The following RALYL variants were observed in gnomAD, a reference collection of about 807,000 sequenced individuals.
The protein encoded by RALYL is RALY RNA binding protein like.
RALYL carries 29 observed loss-of-function variants against 35.1 expected under a neutral mutation model. The observed-to-expected ratio is 0.83, with a 90% CI of 0.61 to 1.13. RALYL has a LOEUF of 1.13. Ranked by LOEUF, RALYL falls within the 50% of genes most tolerant of loss-of-function variation. The pLI, the probability that RALYL is intolerant of heterozygous loss-of-function variation, is 0.00. For missense variants in RALYL, 359 were observed against 360.4 expected (o/e 1.00, Z 0.03); for synonymous variants, 120 against 127.6 (o/e 0.94, Z 0.40).
intron 3 of RALYL, among the ~76,000 whole-genome samples, chr8:84,791,890 C>T (rs1290897183): frequency 1.3e-5 from 2 of 152,310 alleles, no homozygotes; most frequent in East Asian, 1.9e-4. Context: ...CAGAGTGAAA[C>T]AGGAGAGTTC....
intron 1 of RALYL, among the ~76,000 whole-genome samples, chr8:84,311,093 G>GAAAAAAAAAAA (rs1354856646): frequency 2.6e-5 from 2 of 77,218 alleles, no homozygotes; most frequent in Non-Finnish European, 4.9e-5. Flanking sequence ...AAAAAAAAAT[G>GAAAAAAAAAAA]TATATTAATG....
intron 4 of RALYL, among the ~76,000 whole-genome samples, chr8:84,835,465 C>T (rs888191394): frequency 5.1e-5 from 7 of 136,296 alleles, no homozygotes; most frequent in Admixed American, 3.2e-4. Flanking sequence ...TTCAGCAGTT[C>T]GAGACCAGCC....
chr8:84,568,069 T>C (rs2061912411), intron 2 of RALYL, among the ~76,000 whole-genome samples: 1 of 151,782 alleles, frequency 6.6e-6, no homozygotes, highest in South Asian at 2.1e-4. Context: ...ATTATTATAC[T>C]TTAGGTTATA....
chr8:84,368,043 C>T (rs1854856102), intron 1 of RALYL, among the ~76,000 whole-genome samples: 1 of 152,150 alleles, frequency 6.6e-6, no homozygotes, highest in Admixed American at 6.5e-5. Flanking sequence ...GTGATTCTAT[C>T]ATACCACTGT....
intron 2 of RALYL, among the ~76,000 whole-genome samples, chr8:84,598,918 C>G (rs140775785): frequency 6.6e-6 from 1 of 152,084 alleles, no homozygotes; most frequent in East Asian, 1.9e-4. Flanking sequence ...TCTCTCTCCA[C>G]GTTCTAGCTA....
chr8:84,269,734 T>C (rs1234689467), intron 1 of RALYL, among the ~76,000 whole-genome samples: 1 of 152,112 alleles, frequency 6.6e-6, no homozygotes, highest in East Asian at 1.9e-4. Flanking sequence ...ACTGTATGTA[T>C]GGTTAATATT....
At chr8:84,836,475 C>A (rs1832049480) in intron 4 of RALYL, among the ~76,000 whole-genome samples, 1 of 152,142 alleles carries the variant, frequency 6.6e-6, no homozygotes, top group Admixed American at 6.5e-5. Context: ...TACAAAGGTC[C>A]TTGAAAATAA....
chr8:84,716,484 A>G (rs560689588), intron 2 of RALYL, among the ~76,000 whole-genome samples: 3 of 152,320 alleles, frequency 2.0e-5, no homozygotes, highest in African/African-American at 4.8e-5. Flanking sequence ...TTCATAAGGT[A>G]GCAAAAGATA....
chr8:84,202,795 T>C (rs1326760723), intron 1 of RALYL, among the ~76,000 whole-genome samples: 1 of 152,192 alleles, frequency 6.6e-6, no homozygotes, highest in Non-Finnish European at 1.5e-5. Context: ...CATGACATTT[T>C]GAACATTTAC....
At chr8:84,547,746 T>A (rs2060460359) in intron 2 of RALYL, among the ~76,000 whole-genome samples, 1 of 152,200 alleles carries the variant, frequency 6.6e-6, no homozygotes, top group Admixed American at 6.5e-5. Flanking sequence ...ATTGAAGTTT[T>A]CTTTGTGGGA....
intron 1 of RALYL, among the ~76,000 whole-genome samples, chr8:84,381,867 G>A (rs952648191): frequency 6.6e-6 from 1 of 151,514 alleles, no homozygotes; most frequent in Admixed American, 6.6e-5. Flanking sequence ...TGTTTCTGTG[G>A]CATTTTTCCT....
Position 84,921,130 on chromosome 8 carries a change from G to T in RALYL, c.*219G>T. ...GGTTTTTATGGTTTAAATTGTAAAT[G>T]TGTTTTCCCCTTTGCTAATTATGTT... On this transcript the variant is annotated 3_prime_UTR_variant, in exon 9 of 9. Transcript: ENST00000521268. 1 of 368,800 alleles carries T rather than the reference G, an allele frequency of 2.7e-6. No individual in the cohort carries two copies. The highest frequency in any genetic ancestry group is 4.9e-6 in the Non-Finnish European group (1 of 202,262). The allele number at this position is 368,800 out of a possible 1,614,324, so 22.8% of individuals were successfully genotyped here. A position where few individuals can be genotyped will look rare whatever the true frequency, so the allele number is the denominator to read the frequency against.
At chr8:84,495,727 G>A (rs569252641) in intron 1 of RALYL, among the ~76,000 whole-genome samples, 1 of 151,914 alleles carries the variant, frequency 6.6e-6, no homozygotes, top group African/African-American at 2.4e-5. Flanking sequence ...CATTTTTACA[G>A]TCTTAAGCAG....
Position 84,811,391 on chromosome 8 carries a change from T to G in RALYL, c.365+6589T>G, listed in dbSNP as rs796399071. ...TTTCTGCTGAGAAATCTGCTGTTAA[T>G]CTGATAGGTTTTCCTTTGTAGGTTA... is the stretch of plus-strand genomic sequence containing the variant. On this transcript the variant is annotated intron_variant, in intron 4 of 8. Transcript: ENST00000521268. Among the ~76,000 whole-genome samples, 3 of 152,190 alleles carry G rather than the reference T, an allele frequency of 2.0e-5. No individual in the cohort carries two copies. In the South Asian group the frequency reaches 6.2e-4, roughly 32 times the overall value.
intron 1 of RALYL, among the ~76,000 whole-genome samples, chr8:84,270,682 T>C (rs1834142167): frequency 6.6e-6 from 1 of 152,174 alleles, no homozygotes; most frequent in Non-Finnish European, 1.5e-5. Context: ...ATACTGCATG[T>C]TTTATTCCAC....
At chr8:84,540,756 T>C (rs923073065) in intron 2 of RALYL, among the ~76,000 whole-genome samples, 5 of 152,062 alleles carry the variant, frequency 3.3e-5, no homozygotes, top group Admixed American at 6.6e-5. Context: ...TTTCATAACA[T>C]TTGGATAATC....
At chr8:84,564,334 C>T (rs1252920019) in intron 2 of RALYL, among the ~76,000 whole-genome samples, 1 of 151,658 alleles carries the variant, frequency 6.6e-6, no homozygotes, top group Middle Eastern at 3.2e-3. Context: ...ATATGTCACA[C>T]ATAATAATCT....
intron 1 of RALYL, among the ~76,000 whole-genome samples, chr8:84,244,176 C>T (rs1828596152): frequency 6.6e-6 from 1 of 152,012 alleles, no homozygotes; most frequent in South Asian, 2.1e-4. Context: ...TTCCAGTAAT[C>T]CTATGACATT....
intron 1 of RALYL, among the ~76,000 whole-genome samples, chr8:84,191,074 T>G (rs1221690648): frequency 6.6e-6 from 1 of 151,840 alleles, no homozygotes; most frequent in Non-Finnish European, 1.5e-5. Context: ...AATCCATGAA[T>G]TTTTGAAATA....
Sources: allele counts gnomAD v4.1 joint callset (sites outside exome capture counted in the v4.1 genomes callset), GRCh38; gene constraint gnomAD v4.1.1; transcripts MANE v1.5; gene names NCBI Gene and HGNC (gene_info 2026-07-23, HGNC 2026-07-21).